Variants in NUP93 observed in about 807,000 individuals in gnomAD.
NUP93 encodes nuclear pore complex protein Nup93.
A neutral mutation model predicts 107.8 loss-of-function variants in NUP93; 55 were observed. The observed-to-expected ratio is 0.51, with a 90% CI of 0.41 to 0.64. The LOEUF (loss-of-function observed/expected upper bound fraction) is 0.64. Among genes scored for constraint, NUP93 ranks in the 30% least tolerant of loss-of-function variants. NUP93 has a pLI of 0.00. For synonymous variants in NUP93, 390 were observed against 397.5 expected, an observed-to-expected ratio of 0.98 and a Z score of 0.22; for missense variants, 937 against 1,044.7, an observed-to-expected ratio of 0.90 and a Z score of 1.42.
intron 5 of NUP93, among the ~76,000 whole-genome samples, chr16:56,814,138 C>A (rs573444174): frequency 6.6e-6 from 1 of 152,220 alleles, no homozygotes; most frequent in African/African-American, 2.4e-5. Flanking sequence ...TTTCTTACTA[C>A]CCTATATTCA....
chr16:56,776,768 A>G (rs751817620), intron 3 of NUP93, among the ~76,000 whole-genome samples: 4 of 152,224 alleles, frequency 2.6e-5, no homozygotes, highest in Non-Finnish European at 5.9e-5. Context: ...TGCTGTGCCA[A>G]GAGCTCTCTC....
intron 4 of NUP93, among the ~76,000 whole-genome samples, chr16:56,800,252 A>G (rs1962991661): frequency 6.6e-6 from 1 of 152,258 alleles, no homozygotes; most frequent in Admixed American, 6.5e-5. Flanking sequence ...TCATAGATAC[A>G]GAGAAATTCA....
intron 1 of NUP93, among the ~76,000 whole-genome samples, chr16:56,740,054 G>T (rs1193779633): frequency 9.8e-5 from 10 of 101,616 alleles, no homozygotes; most frequent in South Asian, 4.3e-4. Flanking sequence ...TCCCAGACGG[G>T]GCGGCTGGCC....
chr16:56,820,691 A>G (rs751088467), intron 6 of NUP93, among the ~76,000 whole-genome samples: 2 of 152,198 alleles, frequency 1.3e-5, no homozygotes, highest in South Asian at 2.1e-4. Flanking sequence ...AGAGGAAACT[A>G]CAGTTCAACA....
At chr16:56,832,045 C>T in intron 11 of NUP93, 38 bp downstream of exon 11, 2 of 1,609,608 alleles carry the variant, frequency 1.2e-6, no homozygotes, top group Non-Finnish European at 1.7e-6. Context: ...GGGCTTTACC[C>T]CTTTTCTGTG....
In NUP93 at chr16:56,830,900, C is replaced by T. The variant is rs149554495; in HGVS notation, c.1085+215C>T. ...TGACACTGATGTCTAGGCATGCATG[C>T]ATCTGTGTTTGGGAATTTTTCTGTT... is the stretch of plus-strand genomic sequence containing the variant. On this transcript the variant is annotated intron_variant, in intron 10 of 21. Coordinates refer to ENST00000308159, the MANE Select transcript of NUP93 (RefSeq NM_014669.5). 9.1e-3 allele frequency among the ~76,000 whole-genome samples: 1,389 copies of T among 152,280 alleles called. 12 individuals are homozygous for T. Among genetic ancestry groups the T allele is most frequent in the South Asian group, 0.024 (118 of 4,822 alleles).
At chr16:56,809,279 T>A (rs1181705130) in intron 5 of NUP93, among the ~76,000 whole-genome samples, 2 of 152,178 alleles carry the variant, frequency 1.3e-5, no homozygotes, top group African/African-American at 4.8e-5. Context: ...CAGTGACTAG[T>A]TCTGAGGCTT....
At chr16:56,798,648 G>T in intron 4 of NUP93, 110 bp downstream of exon 4, 1 of 864,850 alleles carries the variant, frequency 1.2e-6, no homozygotes, top group Non-Finnish European at 1.9e-6. Flanking sequence ...CAGGAAGTTC[G>T]CTTGAGCCCA....
rs553561519 is a variant in NUP93 at position 56,774,493 on chromosome 16, C to A, written c.297+15838C>A. On this transcript the variant is annotated intron_variant, in intron 3 of 21. Transcript: ENST00000308159. ...TTAATGACATTAGATTTTACTTTTC[C>A]TTAGCTGCTAGTAACAACAGATGCC... Among the ~76,000 whole-genome samples the A allele has an allele frequency of 2.0e-5, 3 of 151,826 alleles. No individual in the cohort carries two copies. In the East Asian group the frequency reaches 5.8e-4, roughly 29 times the overall value.
rs1475078665 is a variant in NUP93, at chr16:56,740,111, G to A, written c.-14-8123G>A. Among the ~76,000 whole-genome samples the A allele has an allele frequency of 6.3e-4, 86 of 137,282 alleles. No homozygotes were observed. The East Asian group carries it at 0.015, about 23-fold the overall frequency. The allele number at this position is 137,282 out of a possible 152,430, so 90.1% of individuals were successfully genotyped here. On this transcript the variant is annotated intron_variant, in intron 1 of 21. Coordinates refer to ENST00000308159, the MANE Select transcript of NUP93 (RefSeq NM_014669.5). ...ACCTCCCTCCCGGACGGGGCGGCTGGCCAGGCGGGGGGCTGACCCCCCCAC... is the reference window on the plus strand; with the variant it reads ...ACCTCCCTCCCGGACGGGGCGGCTGACCAGGCGGGGGGCTGACCCCCCCAC...
At chr16:56,785,796 G>A (rs1245359217) in intron 3 of NUP93, among the ~76,000 whole-genome samples, 1 of 152,136 alleles carries the variant, frequency 6.6e-6, no homozygotes, top group African/African-American at 2.4e-5. Flanking sequence ...TGAGATTTTC[G>A]AAGTAAAGAT....
chr16:56,745,920 G>T (rs1186305580), intron 1 of NUP93, among the ~76,000 whole-genome samples: 1 of 152,136 alleles, frequency 6.6e-6, no homozygotes, highest in African/African-American at 2.4e-5. Flanking sequence ...AATCTTGGGG[G>T]TGGGCTGGTC....
chr16:56,836,282 C>T (rs1361431067), intron 16 of NUP93, among the ~76,000 whole-genome samples: 2 of 152,136 alleles, frequency 1.3e-5, no homozygotes, highest in African/African-American at 4.8e-5. Context: ...TACTTATCAG[C>T]AAATTTAAAA....
intron 3 of NUP93, among the ~76,000 whole-genome samples, chr16:56,774,753 G>C (rs577337548): frequency 6.6e-6 from 1 of 152,250 alleles, no homozygotes; most frequent in Admixed American, 6.5e-5. Context: ...ACTGAGGCAT[G>C]AGGTGGATGA....
intron 1 of NUP93, among the ~76,000 whole-genome samples, chr16:56,738,624 C>G (rs1961650235): frequency 6.6e-6 from 1 of 152,116 alleles, no homozygotes; most frequent in Admixed American, 6.5e-5. Context: ...TCTCCTCTCT[C>G]TTCCAGAGGC....
intron 2 of NUP93, among the ~76,000 whole-genome samples, chr16:56,756,452 C>A (rs556742375): frequency 1.3e-5 from 2 of 152,034 alleles, no homozygotes; most frequent in Admixed American, 6.6e-5. Flanking sequence ...CTTCATCCAG[C>A]TCCCTGCAAA....
intron 3 of NUP93, among the ~76,000 whole-genome samples, chr16:56,779,198 T>G (rs1962468783): frequency 6.6e-6 from 1 of 152,204 alleles, no homozygotes; most frequent in Non-Finnish European, 1.5e-5. Context: ...TGGGTAAAGT[T>G]CTATATATGG....
Position 56,830,609 on chromosome 16 carries a change from G to T in NUP93, c.1009G>T (p.Val337Leu), listed in dbSNP as rs769330459. 8.7e-6 allele frequency: 14 copies of T among 1,610,800 alleles called. No homozygotes were observed. Among genetic ancestry groups the T allele is most frequent in the African/African-American group, 1.3e-5 (1 of 74,904 alleles). The change falls in exon 10 of 22, where the codon GTA (valine) becomes TTA (leucine). Residue 337 changes from valine (V) to leucine (L), a missense_variant. Val to Leu is a conservative substitution (Grantham distance 32). Transcript: ENST00000308159. Reference protein sequence around the residue: ...RCGDLLAASQVVNRAQHQLGE... With the variant: ...RCGDLLAASQLVNRAQHQLGE... ...TGGAGACCTGCTTGCCGCTTCACAG[G>T]TAGTTAATCGAGCCCAGCACCAGCT...
chr16:56,749,413 G>A (rs1385219558), intron 2 of NUP93, among the ~76,000 whole-genome samples: 1 of 152,172 alleles, frequency 6.6e-6, no homozygotes, highest in Non-Finnish European at 1.5e-5. Flanking sequence ...CAAACCTAGT[G>A]AGGTTGACTC....
Sources: allele counts gnomAD v4.1 joint callset (sites outside exome capture counted in the v4.1 genomes callset), GRCh38; gene constraint gnomAD v4.1.1; transcripts MANE v1.5; gene names NCBI Gene and HGNC (gene_info 2026-07-23, HGNC 2026-07-21).